The following SLC20A2 variants were observed in gnomAD, a reference collection of about 807,000 sequenced individuals.
SLC20A2 encodes solute carrier family 20 member 2.
Under a neutral mutation model 61.0 loss-of-function variants are expected in SLC20A2, and 30 were observed. The ratio of observed to expected loss-of-function variants is 0.49; its 90% CI spans 0.37 to 0.67. SLC20A2 has a LOEUF of 0.67. SLC20A2 is among the 30% of genes least tolerant of loss of function. SLC20A2 has a pLI of 0.00. For missense variants in SLC20A2, 626 were observed against 866.4 expected, an observed-to-expected ratio of 0.72 and a Z score of 3.48; for synonymous variants, 351 against 353.3, an observed-to-expected ratio of 0.99 and a Z score of 0.07.
At chr8:42,436,496 C>G (rs1286354351) in intron 8 of SLC20A2, among the ~76,000 whole-genome samples, 9 of 152,262 alleles carry the variant, frequency 5.9e-5, no homozygotes, top group East Asian at 1.9e-4. Flanking sequence ...CAAACGTGCC[C>G]TGTGTGGCCC....
chr8:42,484,636 T>A (rs10107967), intron 1 of SLC20A2: 1 of 282,662 alleles, frequency 3.5e-6, no homozygotes, highest in South Asian at 4.7e-5. Flanking sequence ...AGGCCATGGG[T>A]GCAGAATGGG....
At chr8:42,443,048 A>C (rs1487764509) in intron 6 of SLC20A2, among the ~76,000 whole-genome samples, 2 of 151,766 alleles carry the variant, frequency 1.3e-5, no homozygotes, top group Non-Finnish European at 2.9e-5. Flanking sequence ...TCTTCTTTTT[A>C]AAAACTGTTT....
At chr8:42,538,030 T>C (rs1296873806) in intron 1 of SLC20A2, 1 of 152,128 alleles carries the variant, frequency 6.6e-6, no homozygotes, top group Non-Finnish European at 1.5e-5. Context: ...CAAAGGATTG[T>C]TGTGAGGTTC....
At chr8:42,424,427 G>A (rs1004523378) in intron 10 of SLC20A2, among the ~76,000 whole-genome samples, 6 of 151,918 alleles carry the variant, frequency 3.9e-5, no homozygotes, top group African/African-American at 9.7e-5. Flanking sequence ...GCGATTCTCC[G>A]GCCTCAGCCT....
chr8:42,453,119 T>C (rs1180932451), intron 5 of SLC20A2, among the ~76,000 whole-genome samples: 1 of 152,162 alleles, frequency 6.6e-6, no homozygotes, highest in African/African-American at 2.4e-5. Flanking sequence ...AGAAGGTGCC[T>C]ACCAGAGGCT....
intron 10 of SLC20A2, among the ~76,000 whole-genome samples, chr8:42,425,264 T>C (rs1205846068): frequency 3.3e-5 from 5 of 152,200 alleles, no homozygotes; most frequent in African/African-American, 4.8e-5. Context: ...TGAAAACTGA[T>C]GCAATTCAAC....
intron 6 of SLC20A2, among the ~76,000 whole-genome samples, chr8:42,441,287 T>A (rs1046735478): frequency 6.6e-6 from 1 of 151,870 alleles, no homozygotes; most frequent in Non-Finnish European, 1.5e-5. Context: ...CCTGAGTAGC[T>A]GGGATTAGAG....
intron 10 of SLC20A2, among the ~76,000 whole-genome samples, chr8:42,422,102 G>A (rs376531052): frequency 1.2e-4 from 18 of 152,186 alleles, no homozygotes; most frequent in African/African-American, 4.1e-4. Context: ...GCCCAGGCTG[G>A]AGTGCAGTGG....
upstream of SLC20A2, among the ~76,000 whole-genome samples, chr8:42,505,389 T>C (rs1048814004): frequency 2.3e-4 from 35 of 152,124 alleles, no homozygotes; most frequent in African/African-American, 8.2e-4. Flanking sequence ...CAACTCGGCC[T>C]CCCAAAGTGC....
At chr8:42,459,249 A>AC (rs1563482717) in intron 5 of SLC20A2, among the ~76,000 whole-genome samples, 4 of 137,360 alleles carry the variant, frequency 2.9e-5, no homozygotes, top group Admixed American at 6.8e-5. Context: ...AAAAAAAAAA[A>AC]AAAAAAAAAA....
intron 1 of SLC20A2, among the ~76,000 whole-genome samples, chr8:42,479,987 A>T (rs1808438229): frequency 6.6e-6 from 1 of 152,210 alleles, no homozygotes; most frequent in African/African-American, 2.4e-5. Flanking sequence ...AGACTTTGAA[A>T]TGTGGGCAAA....
rs1267884776 is a variant in SLC20A2 at position 42,520,738 on chromosome 8, C to T, written c.-265+21083G>A. Among the ~76,000 whole-genome samples, 7 of 112,316 alleles carry T rather than the reference C, an allele frequency of 6.2e-5. 3 individuals carry two copies. The South Asian group carries it at 2.3e-3, about 37-fold the overall frequency. 73.7% of individuals were successfully genotyped at this position (112,316 alleles called of 152,430 possible). A position where few individuals can be genotyped will look rare whatever the true frequency, so the allele number is the denominator to read the frequency against. ...AAGACTCCACCTCAAAACAAAAAAACAAAAAACAAACCAAAAAAAAAAACC... is the reference window on the plus strand; with the variant it reads ...AAGACTCCACCTCAAAACAAAAAAATAAAAAACAAACCAAAAAAAAAAACC... On this transcript the variant is annotated intron_variant, in intron 1 of 10. Transcript: ENST00000342228.
chr8:42,527,492 A>G (rs1812044624), intron 1 of SLC20A2, among the ~76,000 whole-genome samples: 1 of 152,118 alleles, frequency 6.6e-6, no homozygotes, highest in Non-Finnish European at 1.5e-5. Flanking sequence ...AAAAATGGGG[A>G]AAAGGCCGGA....
Position 42,465,804 on chromosome 8 carries a change from C to T in SLC20A2, c.403G>A (p.Val135Met). Residue 135 changes from valine (V) to methionine (M), a missense_variant, in exon 3 of 11, where the codon GTG (valine) becomes ATG (methionine). Physicochemically the swap from Val to Met is conservative, Grantham distance 21. This residue lies in a region of SLC20A2 where 127 missense variants were observed against 215.4 expected (regional missense o/e 0.59). Transcript: ENST00000520262. ...FSLVAIGTKGVQWMELVKIVA... is the reference protein window; with the variant it reads ...FSLVAIGTKGMQWMELVKIVA... ...ATCTTGACAAGCTCCATCCACTGCA[C>T]ACCTTTGGTACCGATTGCGACCAGT... 2 of 1,609,420 alleles carry T rather than the reference C, an allele frequency of 1.2e-6. No homozygotes were observed. Among genetic ancestry groups the T allele is most frequent in the African/African-American group, 2.7e-5 (2 of 74,700 alleles).
Position 42,439,521 on chromosome 8 carries a change from G to C in SLC20A2, c.863C>G (p.Thr288Arg), listed in dbSNP as rs1484532440. 3.1e-6 allele frequency: 5 copies of C among 1,614,210 alleles called. No individual in the cohort carries two copies. The highest frequency in any genetic ancestry group is 4.2e-6 in the Non-Finnish European group (5 of 1,180,038). ...KANDDSTIPLTGAAGETLGTS... is the reference protein window; with the variant it reads ...KANDDSTIPLRGAAGETLGTS... The stretch of plus-strand genomic sequence containing the variant: ...CCCCAGTGTCTCCCCTGCTGCTCCC[G>C]TGAGCGGGATGGTGCTGTCATCATT... The change falls in exon 7 of 11, where the codon ACG (threonine) becomes AGG (arginine). Residue 288 changes from threonine to arginine, a missense_variant. Coordinates refer to ENST00000520262, the MANE Select transcript of SLC20A2 (RefSeq NM_001257180.2).
At chr8:42,473,897 G>A (rs960728437) in intron 1 of SLC20A2, among the ~76,000 whole-genome samples, 2 of 152,204 alleles carry the variant, frequency 1.3e-5, no homozygotes, top group Non-Finnish European at 2.9e-5. Context: ...AAGGCCGGGT[G>A]TAGTGGCTCA....
intron 4 of SLC20A2, chr8:42,460,287 C>G: frequency 3.9e-6 from 1 of 253,960 alleles, no homozygotes; most frequent in Non-Finnish European, 7.8e-6. Context: ...CAGAAAAGAT[C>G]TGTTGGGTCA....
intron 1 of SLC20A2, among the ~76,000 whole-genome samples, chr8:42,533,373 T>C (rs957516703): frequency 1.1e-4 from 16 of 152,246 alleles, no homozygotes; most frequent in Non-Finnish European, 1.9e-4. Context: ...CCCAGCACTT[T>C]GGGAGGCCCA....
intron 1 of SLC20A2, among the ~76,000 whole-genome samples, chr8:42,537,201 T>C (rs1395430183): frequency 6.6e-6 from 1 of 151,550 alleles, no homozygotes; most frequent in Non-Finnish European, 1.5e-5. Flanking sequence ...CTGGGCAGTA[T>C]AGTGAGACCT....
Sources: allele counts gnomAD v4.1 joint callset (sites outside exome capture counted in the v4.1 genomes callset), GRCh38; gene constraint gnomAD v4.1.1; regional missense constraint gnomAD v4.1.1; transcripts MANE v1.5; gene names NCBI Gene and HGNC (gene_info 2026-07-23, HGNC 2026-07-21).